Variants in EPC2 observed in about 807,000 individuals in gnomAD.
EPC2 encodes the protein enhancer of polycomb 2.
Under a neutral mutation model 92.1 loss-of-function variants are expected in EPC2, and 14 were observed. The ratio of observed to expected loss-of-function variants is 0.15; its 90% CI spans 0.10 to 0.24. EPC2 has a LOEUF of 0.24. Ranked by LOEUF, EPC2 falls within the 10% of genes least tolerant of loss-of-function variation. EPC2 has a pLI of 1.00. For missense variants in EPC2, 755 were observed against 971.5 expected (o/e 0.78, Z 2.96); for synonymous variants, 340 against 334.7 (o/e 1.02, Z -0.17).
At chr2:148,733,006 G>A (rs753983509) in intron 2 of EPC2, among the ~76,000 whole-genome samples, 32 of 122,712 alleles carry the variant, frequency 2.6e-4, no homozygotes, top group Non-Finnish European at 4.4e-4. Context: ...TAGGGACCCA[G>A]ACACAAATTA....
At chr2:148,678,483 A>G (rs1239581756) in intron 1 of EPC2, among the ~76,000 whole-genome samples, 2 of 152,230 alleles carry the variant, frequency 1.3e-5, no homozygotes, top group Non-Finnish European at 2.9e-5. Flanking sequence ...CGGGCTGCGC[A>G]GGAGCCCATG....
At chr2:148,685,079 G>A (rs1681487060) in intron 1 of EPC2, among the ~76,000 whole-genome samples, 1 of 151,810 alleles carries the variant, frequency 6.6e-6, no homozygotes. Flanking sequence ...TTCCTTTAGG[G>A]TTACTTTTCC....
rs17725865 is a variant in EPC2 at position 148,698,017 on chromosome 2, C to G, written c.313+7644C>G. Reference sequence around the variant, plus strand: ...CCACGTAGGACCTCAGTCAAGTGGGCTTTATTTTCTCTATATGTTAACAAA... The same window carrying G: ...CCACGTAGGACCTCAGTCAAGTGGGGTTTATTTTCTCTATATGTTAACAAA... On this transcript the variant is annotated intron_variant, in intron 2 of 13. Transcript: ENST00000258484. 3.7e-3 allele frequency among the ~76,000 whole-genome samples: 562 copies of G among 151,112 alleles called. 2 individuals are homozygous for G. Among genetic ancestry groups the G allele is most frequent in the Non-Finnish European group, 6.4e-3 (437 of 67,836 alleles).
At chr2:148,660,538 G>A (rs1450921401) in intron 1 of EPC2, among the ~76,000 whole-genome samples, 1 of 150,746 alleles carries the variant, frequency 6.6e-6, no homozygotes, top group African/African-American at 2.4e-5. Context: ...AATCTATTCA[G>A]TTCCATATTG....
At chr2:148,714,774 T>A (rs1195632216) in intron 2 of EPC2, among the ~76,000 whole-genome samples, 1 of 152,156 alleles carries the variant, frequency 6.6e-6, no homozygotes, top group Non-Finnish European at 1.5e-5. Context: ...TCTTGTAAAT[T>A]TGTTTAAGTT....
intron 1 of EPC2, 149 bp downstream of exon 1, chr2:148,645,319 A>G: frequency 1.4e-6 from 1 of 697,034 alleles, no homozygotes; most frequent in Non-Finnish European, 2.3e-6. Context: ...GGAGTAGCGT[A>G]AACCCTCTCG....
chr2:148,782,056 G>T (rs2105441047), intron 11 of EPC2, among the ~76,000 whole-genome samples: 1 of 152,256 alleles, frequency 6.6e-6, no homozygotes, highest in South Asian at 2.1e-4. Context: ...ATATGTAGTT[G>T]TAAGAATCAT....
chr2:148,756,805 T>C (rs560138047), intron 4 of EPC2, among the ~76,000 whole-genome samples: 65 of 152,350 alleles, frequency 4.3e-4, no homozygotes, highest in Non-Finnish European at 8.5e-4. Context: ...TGGTTGTCAG[T>C]TCTAGCTGCT....
At chr2:148,718,746 C>T (rs995644387) in intron 2 of EPC2, among the ~76,000 whole-genome samples, 3 of 152,050 alleles carry the variant, frequency 2.0e-5, no homozygotes, top group Non-Finnish European at 4.4e-5. Context: ...GAGTATCTTA[C>T]TGGGGTTCTC....
At chr2:148,738,140 A>G (rs1486892527) in intron 2 of EPC2, among the ~76,000 whole-genome samples, 2 of 152,194 alleles carry the variant, frequency 1.3e-5, no homozygotes, top group Non-Finnish European at 2.9e-5. Context: ...AACAACAACA[A>G]CAACAAAAAC....
intron 2 of EPC2, among the ~76,000 whole-genome samples, chr2:148,721,124 C>CT (rs1265981193): frequency 6.6e-6 from 1 of 152,142 alleles, no homozygotes; most frequent in Admixed American, 6.5e-5. Flanking sequence ...CTCCCCAGTA[C>CT]TCTTCCTATG....
At chr2:148,677,648 G>A (rs1476197770) in intron 1 of EPC2, among the ~76,000 whole-genome samples, 2 of 152,216 alleles carry the variant, frequency 1.3e-5, no homozygotes, top group African/African-American at 2.4e-5. Flanking sequence ...GACCCTCGCG[G>A]TGAGTGTTAC....
intron 1 of EPC2, among the ~76,000 whole-genome samples, chr2:148,660,581 T>A (rs1363065364): frequency 6.6e-6 from 1 of 152,048 alleles, no homozygotes; most frequent in Non-Finnish European, 1.5e-5. Context: ...GAGTTTTTTT[T>A]TTTTTAAGTC....
rs1016917012 is a variant in EPC2 at position 148,735,855 on chromosome 2, T to A, written c.314-7767T>A. On this transcript the variant is annotated intron_variant, in intron 2 of 13. Coordinates refer to ENST00000258484, the MANE Select transcript of EPC2 (RefSeq NM_015630.4). ...TATAAGTGATCTCATTTATCTTACT[T>A]TTTTTTAACAGCTGATACTTTTGAA... is the stretch of plus-strand genomic sequence containing the variant. 9.2e-4 allele frequency among the ~76,000 whole-genome samples: 138 copies of A among 150,158 alleles called. 1 individual carries two copies. Among genetic ancestry groups the A allele is most frequent in the African/African-American group, 3.1e-3 (130 of 41,394 alleles).
At chr2:148,776,082 A>G (rs942387223) in intron 10 of EPC2, among the ~76,000 whole-genome samples, 3 of 151,836 alleles carry the variant, frequency 2.0e-5, no homozygotes, top group Non-Finnish European at 4.4e-5. Flanking sequence ...CGCCCGGCCA[A>G]TATGACTAAT....
chr2:148,710,104 A>G (rs1261128579), intron 2 of EPC2, among the ~76,000 whole-genome samples: 3 of 152,244 alleles, frequency 2.0e-5, no homozygotes, highest in Non-Finnish European at 4.4e-5. Context: ...CTCATCTGAC[A>G]AAGGGGTAAT....
chr2:148,714,247 C>A (rs1297335291), intron 2 of EPC2, among the ~76,000 whole-genome samples: 2 of 152,070 alleles, frequency 1.3e-5, no homozygotes, highest in African/African-American at 4.8e-5. Flanking sequence ...TGATCTCGTT[C>A]CTTTTTTTTT....
intron 1 of EPC2, among the ~76,000 whole-genome samples, chr2:148,658,090 A>C (rs1680844162): frequency 6.6e-6 from 1 of 152,116 alleles, no homozygotes; most frequent in Non-Finnish European, 1.5e-5. Context: ...TGGTCACAAC[A>C]GTTTCATCTG....
chr2:148,664,903 G>T (rs1314577498), intron 1 of EPC2, among the ~76,000 whole-genome samples: 1 of 152,074 alleles, frequency 6.6e-6, no homozygotes, highest in African/African-American at 2.4e-5. Context: ...TTTTGGCTTC[G>T]ATCTGTTTTC....
Sources: allele counts gnomAD v4.1 joint callset (sites outside exome capture counted in the v4.1 genomes callset), GRCh38; gene constraint gnomAD v4.1.1; transcripts MANE v1.5; gene names NCBI Gene and HGNC (gene_info 2026-07-23, HGNC 2026-07-21).